Variants in ST3GAL5 observed in about 807,000 individuals in gnomAD.
The protein encoded by ST3GAL5 is ST3 beta-galactoside alpha-2,3-sialyltransferase 5, also known as lactosylceramide alpha-2,3-sialyltransferase.
In ST3GAL5, 25 loss-of-function variants were observed where a neutral mutation model predicts 46.1. That is an observed-to-expected ratio of 0.54 (90% CI 0.40 to 0.76). The LOEUF is 0.76. Among genes scored for constraint, ST3GAL5 ranks in the 30% least tolerant of loss-of-function variants. The pLI is 0.00. For missense variants in ST3GAL5, 431 were observed against 521.2 expected (o/e 0.83, Z 1.69); for synonymous variants, 182 against 192.7 (o/e 0.94, Z 0.46).
Position 85,846,411 on chromosome 2 carries a change from T to C in ST3GAL5, c.815A>G (p.Asn272Ser), listed in dbSNP as rs761427979. The C allele has an allele frequency of 8.7e-6, 14 of 1,614,212 alleles. No homozygotes were observed. In the East Asian group the frequency reaches 2.2e-4, roughly 26 times the overall value. The change falls in exon 5 of 7, where the codon AAC (asparagine) becomes AGC (serine). Residue 272 changes from asparagine to serine, a missense_variant. Asn to Ser is a conservative substitution (Grantham distance 46). Transcript: ENST00000638572. ...CTTTTTTACCATTGCTTGAAGCCAG[T>C]TGAAATCAACACTCTTAAATAAAAC... is the stretch of plus-strand genomic sequence containing the variant. Reference protein sequence around the residue: ...VAVLFKSVDFNWLQAMVKKET... With the variant: ...VAVLFKSVDFSWLQAMVKKET...
chr2:85,888,536 G>A (rs972677900), intron 1 of ST3GAL5: 5 of 237,590 alleles, frequency 2.1e-5, no homozygotes, highest in Non-Finnish European at 4.0e-5. Flanking sequence ...GCAGCGGAAA[G>A]CGGCGGGGAA....
rs1681837789 is a variant in ST3GAL5 at position 85,840,157 on chromosome 2, T to A, written c.1244A>T (p.Asp415Val). 6.2e-7 allele frequency: 1 copy of A among 1,614,208 alleles called. No individual in the cohort carries two copies. The highest frequency in any genetic ancestry group is 8.5e-7 in the Non-Finnish European group (1 of 1,180,036). ...GGTTTTCTGTGTTCAAAATTCACGATCAATGCCTCCACTGAGATCTTTCAC... is the reference window on the plus strand; with the variant it reads ...GGTTTTCTGTGTTCAAAATTCACGAACAATGCCTCCACTGAGATCTTTCAC... The part of the protein sequence containing the change: ...GVVKDLSGGI[D>V]REF Residue 415 changes from aspartate (D) to valine (V), a missense_variant, in exon 7 of 7, where the codon GAT becomes GTT. Asp to Val is a radical substitution (Grantham distance 152). Coordinates refer to ENST00000638572, the MANE Select transcript of ST3GAL5 (RefSeq NM_003896.4).
intron 3 of ST3GAL5, among the ~76,000 whole-genome samples, chr2:85,859,357 C>CA (rs1268388564): frequency 2.6e-5 from 4 of 152,152 alleles, no homozygotes; most frequent in African/African-American, 9.7e-5. Context: ...TCTCAGAAGA[C>CA]AAAAACAGAG....
At chr2:85,883,587 G>A (rs1421959095) in intron 1 of ST3GAL5, among the ~76,000 whole-genome samples, 1 of 152,198 alleles carries the variant, frequency 6.6e-6, no homozygotes, top group Non-Finnish European at 1.5e-5. Context: ...GGAGAGGCAG[G>A]TGCCTCGGGA....
chr2:85,862,538 A>T (rs1684838412), intron 2 of ST3GAL5, among the ~76,000 whole-genome samples: 1 of 152,078 alleles, frequency 6.6e-6, no homozygotes, highest in East Asian at 1.9e-4. Flanking sequence ...AGGCAAGCCC[A>T]GTGTCTGTAG....
intron 1 of ST3GAL5, among the ~76,000 whole-genome samples, chr2:85,878,156 A>T (rs995314547): frequency 2.6e-5 from 4 of 152,258 alleles, no homozygotes; most frequent in African/African-American, 9.6e-5. Flanking sequence ...TTTAAAAACA[A>T]GAACTCTACT....
At chr2:85,886,721 A>G (rs1198943981) in intron 1 of ST3GAL5, among the ~76,000 whole-genome samples, 1 of 152,042 alleles carries the variant, frequency 6.6e-6, no homozygotes, top group African/African-American at 2.4e-5. Context: ...TGTCACCGTC[A>G]TATTTATGGT....
Position 85,888,858 on chromosome 2 carries a change from C to A in ST3GAL5, c.48G>T (p.Pro16=). 1.5e-6 allele frequency: 2 copies of A among 1,352,476 alleles called. No homozygotes were observed. Among genetic ancestry groups the A allele is most frequent in the East Asian group, 3.4e-5 (1 of 29,764 alleles). 83.8% of individuals were successfully genotyped at this position (1,352,476 alleles called of 1,614,324 possible). ...AGCAERRPLQ[P]RTEAAAAPAG... is the part of the protein sequence containing the mutation. The stretch of plus-strand genomic sequence containing the variant: ...CAGGTGCCGCCGCTGCCTCGGTCCG[C>A]GGCTGCAGGGGACGCCGCTCCGCGC... Residue 16 remains proline (P), a synonymous_variant, in exon 1 of 7, where the codon CCG becomes CCT. Coordinates refer to ENST00000638572, the MANE Select transcript of ST3GAL5 (RefSeq NM_003896.4).
At chr2:85,859,069 G>A (rs1346254210) in intron 3 of ST3GAL5, among the ~76,000 whole-genome samples, 1 of 152,136 alleles carries the variant, frequency 6.6e-6, no homozygotes, top group Non-Finnish European at 1.5e-5. Flanking sequence ...TGCCTGGCTG[G>A]ACAGGAAAAC....
At chr2:85,881,959 A>G (rs1306767690) in intron 1 of ST3GAL5, among the ~76,000 whole-genome samples, 1 of 152,220 alleles carries the variant, frequency 6.6e-6, no homozygotes, top group Non-Finnish European at 1.5e-5. Flanking sequence ...CCAGGAGGAA[A>G]AAGTGGTTTC....
intron 3 of ST3GAL5, among the ~76,000 whole-genome samples, chr2:85,860,051 G>A (rs1573639689): frequency 6.6e-6 from 1 of 152,266 alleles, no homozygotes; most frequent in Non-Finnish European, 1.5e-5. Flanking sequence ...ACTGCCGCTG[G>A]TGACCCTGGG....
At chr2:85,859,571 A>C (rs2104043605) in intron 3 of ST3GAL5, among the ~76,000 whole-genome samples, 1 of 152,322 alleles carries the variant, frequency 6.6e-6, no homozygotes, top group South Asian at 2.1e-4. Context: ...GAGGACACCT[A>C]TGCTGGGAAG....
chr2:85,876,848 G>A (rs1553416419), intron 1 of ST3GAL5, among the ~76,000 whole-genome samples: 2 of 150,734 alleles, frequency 1.3e-5, no homozygotes, highest in East Asian at 1.9e-4. Flanking sequence ...TAATGACCAC[G>A]GAAAGGGCAG....
intron 1 of ST3GAL5, among the ~76,000 whole-genome samples, chr2:85,879,581 T>C (rs1686935877): frequency 6.6e-6 from 1 of 152,194 alleles, no homozygotes; most frequent in South Asian, 2.1e-4. Context: ...CAGCACATTA[T>C]ACACGCAGAA....
chr2:85,875,090 C>T (rs765786612), intron 1 of ST3GAL5, among the ~76,000 whole-genome samples: 16 of 152,236 alleles, frequency 1.1e-4, no homozygotes, highest in East Asian at 1.9e-4. Context: ...GACAAGGTCT[C>T]GCTCTGTCAG....
At chr2:85,846,881 A>G in intron 4 of ST3GAL5, 1 of 292,314 alleles carries the variant, frequency 3.4e-6, no homozygotes, top group Non-Finnish European at 6.5e-6. Flanking sequence ...GAAATTTTCC[A>G]TTGTGCTCAG....
chr2:85,888,948 C>T lies in ST3GAL5; in HGVS notation c.-43G>A, dbSNP rs928733801. The T allele has an allele frequency of 1.4e-5, 18 of 1,248,888 alleles. No homozygotes were observed. In the African/African-American group the frequency reaches 2.4e-4, roughly 16 times the overall value. The allele number at this position is 1,248,888 out of a possible 1,614,324, so 77.4% of individuals were successfully genotyped here. On this transcript the variant is annotated 5_prime_UTR_variant, in exon 1 of 7. Transcript: ENST00000638572. ...GGCCGGCCGCCAGCCCGGTACCCCG[C>T]GCCCCCACCCGCCCCCAGCGCCGCT...
chr2:85,862,045 C>CA (rs960822351), intron 2 of ST3GAL5, among the ~76,000 whole-genome samples: 1 of 149,636 alleles, frequency 6.7e-6, no homozygotes, highest in African/African-American at 2.5e-5. Flanking sequence ...GTTTTTTTTT[C>CA]AAAAAAATTG....
At chr2:85,889,001 G>A (rs1292988171), upstream of ST3GAL5, 3 of 953,018 alleles carry the variant, frequency 3.1e-6, no homozygotes, top group East Asian at 4.0e-5. Context: ...GGGGGCCGCC[G>A]CTCCCCCGCT....
Sources: gnomAD v4.1 joint callset for allele counts (sites outside exome capture counted in the v4.1 genomes callset) on GRCh38, gnomAD v4.1.1 for gene constraint, MANE v1.5 for transcripts, NCBI Gene and HGNC (gene_info 2026-07-23, HGNC 2026-07-21) for gene names.